Variants in GRIK1 observed in about 807,000 individuals in gnomAD.
GRIK1 encodes glutamate receptor ionotropic, kainate 1.
Under a neutral mutation model 105.7 loss-of-function variants are expected in GRIK1, and 69 were observed. The ratio of observed to expected loss-of-function variants is 0.65; its 90% CI spans 0.54 to 0.80. The LOEUF (loss-of-function observed/expected upper bound fraction) is 0.80. GRIK1 is among the 30% of genes least tolerant of loss of function. The probability of loss-of-function intolerance (pLI) is 0.00; values close to 1 mark genes in which losing one functional copy is unlikely to be tolerated. For missense variants in GRIK1, 1,109 were observed against 1,167.3 expected (o/e 0.95, Z 0.73); for synonymous variants, 438 against 431.3 (o/e 1.02, Z -0.19).
At chr21:29,776,493 T>C (rs2065946584) in intron 1 of GRIK1, among the ~76,000 whole-genome samples, 1 of 152,212 alleles carries the variant, frequency 6.6e-6, no homozygotes, top group East Asian at 1.9e-4. Context: ...AATTTTTATT[T>C]ATGGAGTTGA....
At chr21:29,867,915 AG>A (rs1334019162) in intron 1 of GRIK1, among the ~76,000 whole-genome samples, 8 of 134,472 alleles carry the variant, frequency 5.9e-5, no homozygotes, top group African/African-American at 2.7e-4. Flanking sequence ...AGAAAGAGAG[AG>A]AAAGAGAGAA....
At chr21:29,860,307 A>G (rs1243633721) in intron 1 of GRIK1, among the ~76,000 whole-genome samples, 1 of 152,210 alleles carries the variant, frequency 6.6e-6, no homozygotes, top group East Asian at 1.9e-4. Context: ...GTTACTGCCA[A>G]CCTGGGGGAG....
intron 15 of GRIK1, among the ~76,000 whole-genome samples, chr21:29,560,498 TCCTTC>T (rs2090426810): frequency 7.2e-5 from 1 of 13,898 alleles, no homozygotes; most frequent in African/African-American, 3.5e-4. Flanking sequence ...TTTCTTTCTT[TCCTTC>T]CTTCCTTCCT....
chr21:29,812,902 A>C (rs2067049557), intron 1 of GRIK1, among the ~76,000 whole-genome samples: 1 of 152,168 alleles, frequency 6.6e-6, no homozygotes, highest in Non-Finnish European at 1.5e-5. Flanking sequence ...CATTCTTTGC[A>C]ACCGAGTATA....
At chr21:29,881,174 G>A (rs73900267) in intron 1 of GRIK1, among the ~76,000 whole-genome samples, 4,106 of 152,182 alleles carry the variant, frequency 0.027, 175 homozygotes, top group African/African-American at 0.092. Context: ...TGAACCACTT[G>A]TAAGTTTTGC....
intron 1 of GRIK1, among the ~76,000 whole-genome samples, chr21:29,730,891 C>G (rs909615268): frequency 1.3e-5 from 2 of 152,134 alleles, no homozygotes; most frequent in African/African-American, 4.8e-5. Flanking sequence ...CCTTATTTCT[C>G]ATCATATCAT....
At chr21:29,604,344 C>A (rs547762048) in intron 7 of GRIK1, among the ~76,000 whole-genome samples, 1 of 152,174 alleles carries the variant, frequency 6.6e-6, no homozygotes, top group East Asian at 1.9e-4. Flanking sequence ...TGACCTTCAA[C>A]GTCAAATTTC....
Position 29,734,427 on chromosome 21 carries a change from G to A in GRIK1, c.119-40364C>T, listed in dbSNP as rs1018870146. Among the ~76,000 whole-genome samples, 9 of 9,398 alleles carry A rather than the reference G, an allele frequency of 9.6e-4. 1 individual carries two copies. Among genetic ancestry groups the A allele is most frequent in the Non-Finnish European group, 4.7e-3 (9 of 1,926 alleles). 6.2% of individuals were successfully genotyped at this position (9,398 alleles called of 152,430 possible). A position where few individuals can be genotyped will look rare whatever the true frequency, so the allele number is the denominator to read the frequency against. On this transcript the variant is annotated intron_variant, in intron 1 of 17. Transcript: ENST00000327783. ...TTTTCTTTTCTTTTCTTTTCTTTTTGAGACAGAGTCTTACTCTCTTGCCCA... is the reference window on the plus strand; with the variant it reads ...TTTTCTTTTCTTTTCTTTTCTTTTTAAGACAGAGTCTTACTCTCTTGCCCA...
intron 1 of GRIK1, among the ~76,000 whole-genome samples, chr21:29,695,150 T>C (rs1009073447): frequency 6.6e-6 from 1 of 152,182 alleles, no homozygotes. Context: ...TGTTAGTGCT[T>C]AAAGCCTCAT....
At chr21:29,924,433 C>T (rs1230990189) in intron 1 of GRIK1, among the ~76,000 whole-genome samples, 1 of 151,918 alleles carries the variant, frequency 6.6e-6, no homozygotes, top group East Asian at 1.9e-4. Flanking sequence ...AAGCATTGAG[C>T]TCATGACATC....
At chr21:29,844,824 T>C (rs2068072583) in intron 1 of GRIK1, among the ~76,000 whole-genome samples, 1 of 152,208 alleles carries the variant, frequency 6.6e-6, no homozygotes, top group South Asian at 2.1e-4. Flanking sequence ...GGCTCTATTC[T>C]TTATTTACAA....
chr21:29,598,861 A>G lies in GRIK1; in HGVS notation c.1175T>C (p.Ile392Thr). 6.4e-7 allele frequency: 1 copy of G among 1,564,268 alleles called. No individual in the cohort carries two copies. Residue 392 changes from isoleucine to threonine, a missense_variant, in exon 8 of 18, where the codon ATT (isoleucine) becomes ACT (threonine). Physicochemically the swap from Ile to Thr is moderately conservative, Grantham distance 89. This residue lies in a region of GRIK1 where 612 missense variants were observed against 586.0 expected (regional missense o/e 1.04). Transcript: ENST00000327783. ...AGTTCCTTCCTCTTTGAGACTAATA[A>G]TGTCCAGATCAAAATCCTTCCTCAA... ...NGLRKDFDLD[I>T]ISLKEEGTEK...
In GRIK1 at chr21:29,939,545, C is replaced by A. The variant is rs1227998698; in HGVS notation, c.-45G>T. 2.3e-6 allele frequency: 3 copies of A among 1,291,056 alleles called. No homozygotes were observed. The highest frequency in any genetic ancestry group is 2.7e-5 in the South Asian group (2 of 73,442). The allele number at this position is 1,291,056 out of a possible 1,614,324, so 80.0% of individuals were successfully genotyped here. A position where few individuals can be genotyped will look rare whatever the true frequency, so the allele number is the denominator to read the frequency against. Reference sequence around the variant, plus strand: ...ATGCCGAGATACAGCCGCTGCCGGACGCCCGAGAGATGCACCCAACTTGGG... The same window carrying A: ...ATGCCGAGATACAGCCGCTGCCGGAAGCCCGAGAGATGCACCCAACTTGGG... On this transcript the variant is annotated 5_prime_UTR_variant, in exon 1 of 18. Transcript: ENST00000327783.
At chr21:29,790,047 T>C (rs1329585218) in intron 1 of GRIK1, among the ~76,000 whole-genome samples, 3 of 152,192 alleles carry the variant, frequency 2.0e-5, no homozygotes, top group Non-Finnish European at 2.9e-5. Flanking sequence ...ATTTATTTAT[T>C]TATCTATTTA....
At chr21:29,590,995 T>A in intron 10 of GRIK1, 117 bp downstream of exon 10, 1 of 731,540 alleles carries the variant, frequency 1.4e-6, no homozygotes, top group Non-Finnish European at 2.5e-6. Flanking sequence ...AGTGTCCTAG[T>A]TAAAAATAGA....
intron 1 of GRIK1, among the ~76,000 whole-genome samples, chr21:29,810,889 A>G (rs890803653): frequency 1.3e-5 from 2 of 152,152 alleles, no homozygotes; most frequent in African/African-American, 4.8e-5. Flanking sequence ...AACAAAGGTG[A>G]TGTGGCAGCT....
In GRIK1 at chr21:29,675,930, T is replaced by G. The variant is rs999195758; in HGVS notation, c.545-2766A>C. On this transcript the variant is annotated intron_variant, in intron 3 of 17. Coordinates refer to ENST00000327783, the MANE Select transcript of GRIK1 (RefSeq NM_001330994.2). ...CTTGTCAACTGGCTGAATGAAAAAC[T>G]AATTAACTGACTAATTAACTATATT... is the stretch of plus-strand genomic sequence containing the variant. Among the ~76,000 whole-genome samples the G allele has an allele frequency of 5.3e-5, 8 of 152,302 alleles. No homozygotes were observed. The East Asian group carries it at 1.5e-3, about 29-fold the overall frequency.
At chr21:29,586,739 T>A (rs2091138315) in intron 12 of GRIK1, among the ~76,000 whole-genome samples, 1 of 152,198 alleles carries the variant, frequency 6.6e-6, no homozygotes, top group Non-Finnish European at 1.5e-5. Context: ...GAGTTAAATC[T>A]CGAAAAGTAA....
intron 1 of GRIK1, among the ~76,000 whole-genome samples, chr21:29,898,866 G>T (rs2070278213): frequency 1.3e-5 from 2 of 152,126 alleles, no homozygotes; most frequent in South Asian, 4.2e-4. Context: ...ATGAGATTCG[G>T]GAGGCTAAGG....
Sources: allele counts gnomAD v4.1 joint callset (sites outside exome capture counted in the v4.1 genomes callset), GRCh38; gene constraint gnomAD v4.1.1; regional missense constraint gnomAD v4.1.1; transcripts MANE v1.5; gene names NCBI Gene and HGNC (gene_info 2026-07-23, HGNC 2026-07-21).